Variants in CCNF observed in about 807,000 individuals in gnomAD.
CCNF encodes the protein cyclin F.
A neutral mutation model predicts 85.4 loss-of-function variants in CCNF; 30 were observed. The ratio of observed to expected loss-of-function variants is 0.35; its 90% CI spans 0.26 to 0.48. The LOEUF is 0.48. Among genes scored for constraint, CCNF ranks in the 20% least tolerant of loss-of-function variants. The pLI, the probability that CCNF is intolerant of heterozygous loss-of-function variation, is 0.99. For missense variants in CCNF, 919 were observed against 1,010.4 expected (o/e 0.91, Z 1.23); for synonymous variants, 439 against 425.1 (o/e 1.03, Z -0.40).
At chr16:2,447,540 C>T (rs2141825876) in intron 10 of CCNF, among the ~76,000 whole-genome samples, 1 of 152,172 alleles carries the variant, frequency 6.6e-6, no homozygotes, top group Non-Finnish European at 1.5e-5. Context: ...GCCAAGATTA[C>T]ACCATTGCAC....
chr16:2,451,118 T>C lies in CCNF; in HGVS notation c.1487+1203T>C, dbSNP rs545197468. Among the ~76,000 whole-genome samples, 1 of 152,346 alleles carries C rather than the reference T, an allele frequency of 6.6e-6. No individual in the cohort carries two copies. Among genetic ancestry groups the C allele is most frequent in the Admixed American group, 6.5e-5 (1 of 15,310 alleles). ...AGCTTCCCTTCAGCCCACGTTGGTT[T>C]GTTCCATGCAGTTCATGAAGTCCCT... On this transcript the variant is annotated intron_variant, in intron 13 of 16. Coordinates refer to ENST00000397066, the MANE Select transcript of CCNF (RefSeq NM_001761.3). This position sits in a 1 kb window ranked among gnomAD's most constrained non-coding sequence, Gnocchi z 4.3.
chr16:2,434,291 G>A (rs1167637207), intron 3 of CCNF, among the ~76,000 whole-genome samples: 1 of 151,636 alleles, frequency 6.6e-6, no homozygotes, highest in East Asian at 1.9e-4. Context: ...GGGTGATGGG[G>A]TAAGACTGTC....
At chr16:2,445,415 G>A in intron 9 of CCNF, 43 bp from the exon 10 acceptor site, 4 of 1,608,296 alleles carry the variant, frequency 2.5e-6, no homozygotes, top group Non-Finnish European at 2.6e-6. Context: ...AGGGACACAT[G>A]GAGAACGCCC....
At chr16:2,432,384 G>A (rs1411991399) in intron 2 of CCNF, among the ~76,000 whole-genome samples, 2 of 152,112 alleles carry the variant, frequency 1.3e-5, no homozygotes, top group Non-Finnish European at 2.9e-5. Context: ...TTGCAGGTGC[G>A]ACACACTTTA....
chr16:2,455,621 C>T (rs150822354), intron 16 of CCNF, 57 bp downstream of exon 16: 20,981 of 1,532,324 alleles, frequency 0.014, 180 homozygotes, highest in Non-Finnish European at 0.016. Flanking sequence ...TGGCTCTCAC[C>T]GAGGGCCTCT....
intron 8 of CCNF, among the ~76,000 whole-genome samples, chr16:2,440,572 G>A (rs1278171337): frequency 6.6e-6 from 1 of 151,948 alleles, no homozygotes; most frequent in Non-Finnish European, 1.5e-5. Flanking sequence ...TCCAGCCTGG[G>A]CGACAGAGCA....
Position 2,443,635 on chromosome 16 carries a change from C to A in CCNF, c.778-14C>A. The stretch of plus-strand genomic sequence containing the variant: ...GCTGCTGTCTCACGCTCATGTTTGT[C>A]TTTTCTTCCTCAGCTGTCTTTAGCC... On this transcript the variant is annotated splice_polypyrimidine_tract_variant and intron_variant, in intron 8 of 16. Transcript: ENST00000397066. The A allele has an allele frequency of 6.2e-7, 1 of 1,610,504 alleles. No homozygotes were observed. The highest frequency in any genetic ancestry group is 1.1e-5 in the South Asian group (1 of 90,998).
At chr16:2,439,521 C>A in intron 7 of CCNF, 64 bp downstream of exon 7, 2 of 1,249,208 alleles carry the variant, frequency 1.6e-6, no homozygotes, top group Non-Finnish European at 1.1e-6. Context: ...TGATGCTGGT[C>A]CTTGGATGCG....
At chr16:2,434,415 C>T (rs1351606826) in intron 3 of CCNF, among the ~76,000 whole-genome samples, 1 of 152,162 alleles carries the variant, frequency 6.6e-6, no homozygotes, top group Non-Finnish European at 1.5e-5. Context: ...GAGTTTGAGA[C>T]CAGCCTGAGC....
chr16:2,449,368 C>A lies in CCNF; in HGVS notation c.1305C>A (p.Cys435Ter). 1 of 1,613,348 alleles carries A rather than the reference C, an allele frequency of 6.2e-7. No homozygotes were observed. The highest frequency in any genetic ancestry group is 8.5e-7 in the Non-Finnish European group (1 of 1,179,962). The change falls in exon 12 of 17, where the codon TGC (cysteine) becomes TGA (stop). Residue 435 changes from cysteine to a stop codon, truncating the protein, a stop_gained. Transcript: ENST00000397066. LOFTEE classifies it high-confidence loss of function. ...LRTQHLCSFL[C>*]ELSLLHTSLS... Reference sequence around the variant, plus strand: ...CCCAGCACCTGTGCAGCTTCCTCTGCGAGCTCTCCCTGCTGCACACCAGCC... The same window carrying A: ...CCCAGCACCTGTGCAGCTTCCTCTGAGAGCTCTCCCTGCTGCACACCAGCC...
intron 9 of CCNF, 46 bp from the exon 10 acceptor site, chr16:2,445,412 C>G: frequency 6.2e-7 from 1 of 1,605,852 alleles, no homozygotes; most frequent in Non-Finnish European, 8.5e-7. Context: ...GACAGGGACA[C>G]ATGGAGAACG....
chr16:2,440,630 A>G (rs2065316149), intron 8 of CCNF, among the ~76,000 whole-genome samples: 1 of 152,106 alleles, frequency 6.6e-6, no homozygotes, highest in Non-Finnish European at 1.5e-5. Flanking sequence ...AATCAAAGAA[A>G]GCTCCTATTT....
intron 15 of CCNF, among the ~76,000 whole-genome samples, chr16:2,455,074 A>AG (rs1202974708): frequency 2.0e-5 from 3 of 151,532 alleles, no homozygotes; most frequent in African/African-American, 7.3e-5. Flanking sequence ...AAAAAAAAAA[A>AG]AAAAAAAACA....
chr16:2,439,884 G>A, intron 8 of CCNF, 58 bp downstream of exon 8: 3 of 1,477,008 alleles, frequency 2.0e-6, no homozygotes, highest in Non-Finnish European at 2.8e-6. Context: ...CAGCCTTGGG[G>A]CAGGACTATC....
chr16:2,435,272 G>GA (rs796446094), intron 3 of CCNF, among the ~76,000 whole-genome samples: 40 of 122,508 alleles, frequency 3.3e-4, no homozygotes, highest in South Asian at 7.9e-4. Context: ...GAAAAGAAAA[G>GA]AAAAAAAAAA....
chr16:2,429,855 C>T (rs984886254), intron 1 of CCNF, among the ~76,000 whole-genome samples: 1 of 152,018 alleles, frequency 6.6e-6, no homozygotes, highest in Non-Finnish European at 1.5e-5. Context: ...GAAAGGGCTG[C>T]GGAGCGCGTG....
In CCNF at chr16:2,455,448, C is replaced by T. The variant is rs2065421355; in HGVS notation, c.1769C>T (p.Thr590Ile). 1 of 1,600,152 alleles carries T rather than the reference C, an allele frequency of 6.2e-7. No individual in the cohort carries two copies. The highest frequency in any genetic ancestry group is 1.1e-5 in the South Asian group (1 of 90,472). The change falls in exon 16 of 17, where the codon ACT becomes ATT. Residue 590 changes from threonine (T) to isoleucine (I), a missense_variant. Physicochemically the swap from Thr to Ile is moderately conservative, Grantham distance 89 (BLOSUM62 -1). This residue lies in a region of CCNF where 505 missense variants were observed against 514.8 expected (regional missense o/e 0.98). Transcript: ENST00000397066. ...EDRGSFVTTP[T>I]AELSSQEETL... ...AGAGGCAGCTTCGTTACCACCCCCA[C>T]TGCGGAGCTGTCCAGCCAGGAGGAG... is the stretch of plus-strand genomic sequence containing the variant.
At chr16:2,446,322 A>G (rs1212063898) in intron 10 of CCNF, among the ~76,000 whole-genome samples, 1 of 152,184 alleles carries the variant, frequency 6.6e-6, no homozygotes, top group East Asian at 1.9e-4. Flanking sequence ...GTTGGGTTCT[A>G]AAGTCTGTTG....
chr16:2,439,037 C>A (rs2065307030), intron 6 of CCNF, among the ~76,000 whole-genome samples: 1 of 152,022 alleles, frequency 6.6e-6, no homozygotes. Context: ...GTGGCTCATG[C>A]CTGTAATCCC....
Sources: allele counts gnomAD v4.1 joint callset (sites outside exome capture counted in the v4.1 genomes callset), GRCh38; gene constraint gnomAD v4.1.1; regional missense constraint gnomAD v4.1.1; non-coding constraint Gnocchi (gnomAD v3.1); transcripts MANE v1.5; gene names NCBI Gene and HGNC (gene_info 2026-07-23, HGNC 2026-07-21).